Variants in TOLLIP observed in about 807,000 individuals in gnomAD.
TOLLIP encodes toll-interacting protein.
A neutral mutation model predicts 33.5 loss-of-function variants in TOLLIP; 16 were observed. The ratio of observed to expected loss-of-function variants is 0.48; its 90% CI spans 0.32 to 0.72. The LOEUF is 0.72. TOLLIP is among the 30% of genes least tolerant of loss of function. TOLLIP has a pLI of 0.03. For missense variants in TOLLIP, 325 were observed against 396.6 expected, an observed-to-expected ratio of 0.82 and a Z score of 1.53; for synonymous variants, 176 against 163.7, an observed-to-expected ratio of 1.07 and a Z score of -0.57.
intron 1 of TOLLIP, among the ~76,000 whole-genome samples, chr11:1,299,302 C>T (rs1169452123): frequency 2.0e-5 from 3 of 152,220 alleles, no homozygotes; most frequent in Non-Finnish European, 4.4e-5. Flanking sequence ...GCTGCCCCGC[C>T]TACCAGGGAG....
chr11:1,279,564 G>A (rs5744003), intron 5 of TOLLIP, among the ~76,000 whole-genome samples: 6,742 of 152,320 alleles, frequency 0.044, 170 homozygotes, highest in Middle Eastern at 0.11. Flanking sequence ...GCGGCCCTGG[G>A]AGGAGTGATG....
At chr11:1,304,196 C>T (rs1005538619) in intron 1 of TOLLIP, among the ~76,000 whole-genome samples, 4 of 152,064 alleles carry the variant, frequency 2.6e-5, no homozygotes, top group Non-Finnish European at 4.4e-5. Flanking sequence ...CAGGAGAGGG[C>T]GGGGTCCCAC....
chr11:1,280,714 A>C (rs1291383537), intron 5 of TOLLIP, among the ~76,000 whole-genome samples: 1 of 151,966 alleles, frequency 6.6e-6, no homozygotes, highest in Non-Finnish European at 1.5e-5. Flanking sequence ...TCCCACCACC[A>C]AGCAGAAGGA....
chr11:1,288,813 G>A lies in TOLLIP; in HGVS notation c.367-37C>T, dbSNP rs747168250. 2.5e-6 allele frequency: 4 copies of A among 1,599,714 alleles called. No homozygotes were observed. The South Asian group carries it at 3.4e-5, about 13-fold the overall frequency. ...AAGAGGGAGAGGCCCCAGGCATCAG[G>A]GAAGGGGCCACCCTGCCCCTGCAGC... On this transcript the variant is annotated intron_variant, in intron 3 of 5. Transcript: ENST00000317204.
chr11:1,283,036 G>A (rs1483469245), intron 5 of TOLLIP, among the ~76,000 whole-genome samples: 2 of 152,232 alleles, frequency 1.3e-5, no homozygotes, highest in African/African-American at 4.8e-5. Context: ...ATCTTCACGT[G>A]GTCCTGGGGT....
intron 1 of TOLLIP, among the ~76,000 whole-genome samples, chr11:1,306,707 C>T (rs1327347757): frequency 6.6e-6 from 1 of 152,034 alleles, no homozygotes; most frequent in Non-Finnish European, 1.5e-5. Context: ...CTTGCGTGTG[C>T]CAGGCAACAC....
chr11:1,282,263 C>G (rs1217384902), intron 5 of TOLLIP, among the ~76,000 whole-genome samples: 2 of 152,150 alleles, frequency 1.3e-5, no homozygotes, highest in African/African-American at 4.8e-5. Flanking sequence ...CCTGAGGGGG[C>G]TCCCTCTGGC....
chr11:1,288,912 T>TC, intron 3 of TOLLIP, 136 bp from the exon 4 acceptor site: 1 of 914,172 alleles, frequency 1.1e-6, no homozygotes, highest in Non-Finnish European at 1.6e-6. Context: ...CAACACCCCA[T>TC]CGATGAGACC....
At position 1,290,794 on chromosome 11, in the gene TOLLIP, G is replaced by C; in HGVS notation, c.184-385C>G. Reference sequence around the variant, plus strand: ...GAGCTGAGAGCCAGAGCATGACATGGAGTGTGAACCTGCCCCCGGAGCATG... The same window carrying C: ...GAGCTGAGAGCCAGAGCATGACATGCAGTGTGAACCTGCCCCCGGAGCATG... On this transcript the variant is annotated intron_variant, in intron 2 of 5. Coordinates refer to ENST00000317204, the MANE Select transcript of TOLLIP (RefSeq NM_019009.4). The surrounding 1 kb of genome is among the most constrained non-coding windows in gnomAD (Gnocchi z 4.9). 1 of 195,404 alleles carries C rather than the reference G, an allele frequency of 5.1e-6. No homozygotes were observed. The highest frequency in any genetic ancestry group is 1.1e-5 in the Non-Finnish European group (1 of 94,182). 12.1% of individuals were successfully genotyped at this position (195,404 alleles called of 1,614,324 possible). A position where few individuals can be genotyped will look rare whatever the true frequency, so the allele number is the denominator to read the frequency against.
At chr11:1,288,361 AG>A (rs1043249380) in intron 4 of TOLLIP, among the ~76,000 whole-genome samples, 2 of 152,186 alleles carry the variant, frequency 1.3e-5, no homozygotes, top group African/African-American at 4.8e-5. Context: ...ACCACCACAA[AG>A]GGTTGGCTCA....
At chr11:1,280,650 A>C (rs572001716) in intron 5 of TOLLIP, among the ~76,000 whole-genome samples, 2 of 152,208 alleles carry the variant, frequency 1.3e-5, no homozygotes, top group Admixed American at 1.3e-4. Context: ...GGTGCTGCCT[A>C]TGCGGGCCAG....
intron 1 of TOLLIP, among the ~76,000 whole-genome samples, chr11:1,301,681 C>T (rs1437833061): frequency 6.6e-6 from 1 of 152,154 alleles, no homozygotes; most frequent in African/African-American, 2.4e-5. Context: ...CCCACGGAGG[C>T]CCCAACACAG....
At chr11:1,283,512 G>A (rs769133619) in intron 5 of TOLLIP, 8 of 455,820 alleles carry the variant, frequency 1.8e-5, no homozygotes, top group South Asian at 9.3e-5. Flanking sequence ...TCAGGTGGAC[G>A]AGTCCTCACA....
At position 1,288,636 on chromosome 11, in the gene TOLLIP, G is replaced by A. The variant is rs1274975834; in HGVS notation, c.507C>T (p.Val169=). The A allele has an allele frequency of 3.1e-6, 5 of 1,612,344 alleles. No individual in the cohort carries two copies. The African/African-American group carries it at 5.3e-5, about 17-fold the overall frequency. ...GCGTGCAGCTCACCGCGTAGGACAT[G>A]ACGAGGTTGATCATGCCCTCCTTGT... The part of the protein sequence containing the change: ...GDDKEGMINL[V]MSYALLPAAM... The change falls in exon 4 of 6, where the codon GTC becomes GTT. Residue 169 remains valine, a synonymous_variant. Coordinates refer to ENST00000317204, the MANE Select transcript of TOLLIP (RefSeq NM_019009.4).
chr11:1,286,429 G>A (rs536339764), intron 4 of TOLLIP, among the ~76,000 whole-genome samples: 54 of 152,220 alleles, frequency 3.5e-4, no homozygotes, highest in African/African-American at 1.3e-3. Context: ...GCACTGCTGT[G>A]GTGTCTGAGT....
intron 5 of TOLLIP, among the ~76,000 whole-genome samples, chr11:1,284,988 T>C (rs1402500110): frequency 1.3e-5 from 2 of 152,148 alleles, no homozygotes; most frequent in Non-Finnish European, 2.9e-5. Flanking sequence ...CTGGCAGGAC[T>C]GGGGTGCTGA....
intron 2 of TOLLIP, among the ~76,000 whole-genome samples, chr11:1,291,645 G>A (rs1417129944): frequency 1.4e-5 from 2 of 147,194 alleles, no homozygotes; most frequent in East Asian, 4.1e-4. Flanking sequence ...GCACCCCTCT[G>A]AGGGCACGGC....
chr11:1,303,507 T>G lies in TOLLIP; in HGVS notation c.33+5959A>C, dbSNP rs954135228. On this transcript the variant is annotated intron_variant, in intron 1 of 5. Transcript: ENST00000317204. This position sits in a 1 kb window ranked among gnomAD's most constrained non-coding sequence, Gnocchi z 4.2. ...GGAAGAAGACAAACGGGAAGCATCA[T>G]GAGTTATGCTGTATGCTAACGGCAG... Among the ~76,000 whole-genome samples, 1 of 152,206 alleles carries G rather than the reference T, an allele frequency of 6.6e-6. No homozygotes were observed.
chr11:1,286,557 G>A (rs929678216), intron 4 of TOLLIP, among the ~76,000 whole-genome samples: 6 of 151,860 alleles, frequency 4.0e-5, no homozygotes, highest in African/African-American at 7.3e-5. Flanking sequence ...TGTCAACTGC[G>A]GATAAGTCAC....
Sources: allele counts gnomAD v4.1 joint callset (sites outside exome capture counted in the v4.1 genomes callset), GRCh38; gene constraint gnomAD v4.1.1; non-coding constraint Gnocchi (gnomAD v3.1); transcripts MANE v1.5; gene names NCBI Gene and HGNC (gene_info 2026-07-23, HGNC 2026-07-21).